The following PLEKHA5 variants were observed in gnomAD, a reference collection of about 807,000 sequenced individuals.
PLEKHA5 encodes pleckstrin homology domain-containing family A member 5.
Under a neutral mutation model 181.9 loss-of-function variants are expected in PLEKHA5, and 55 were observed. The ratio of observed to expected loss-of-function variants is 0.30; its 90% CI spans 0.24 to 0.38. The LOEUF is 0.38. Among genes scored for constraint, PLEKHA5 ranks in the 10% least tolerant of loss-of-function variants. The pLI is 1.00. For missense variants in PLEKHA5, 1,432 were observed against 1,549.5 expected (o/e 0.92, Z 1.27); for synonymous variants, 535 against 529.4 (o/e 1.01, Z -0.15).
At chr12:19,214,954 G>A (rs1425205709) in intron 3 of PLEKHA5, among the ~76,000 whole-genome samples, 1 of 152,000 alleles carries the variant, frequency 6.6e-6, no homozygotes, top group Non-Finnish European at 1.5e-5. Context: ...GAGGTGGGCG[G>A]ATCACCTGAG....
At chr12:19,173,095 C>G (rs542150983) in intron 3 of PLEKHA5, among the ~76,000 whole-genome samples, 1 of 128,136 alleles carries the variant, frequency 7.8e-6, no homozygotes, top group South Asian at 2.7e-4. Flanking sequence ...GCAATCTCGG[C>G]TCACTGCAAG....
At chr12:19,316,140 C>T (rs2088588826) in intron 16 of PLEKHA5, among the ~76,000 whole-genome samples, 1 of 151,446 alleles carries the variant, frequency 6.6e-6, no homozygotes. Context: ...CTGATACCTT[C>T]TGCAGTGTCT....
intron 3 of PLEKHA5, among the ~76,000 whole-genome samples, chr12:19,224,555 A>T (rs992217241): frequency 4.7e-4 from 72 of 152,240 alleles, no homozygotes; most frequent in African/African-American, 1.5e-3. Flanking sequence ...CATATGAAAA[A>T]TTTTTTTAAA....
intron 3 of PLEKHA5, among the ~76,000 whole-genome samples, chr12:19,212,763 A>C (rs2057177232): frequency 6.6e-6 from 1 of 152,104 alleles, no homozygotes; most frequent in Non-Finnish European, 1.5e-5. Context: ...ATATCCTCAC[A>C]GCATCTACAG....
chr12:19,343,783 T>C (rs1592568817), intron 22 of PLEKHA5, among the ~76,000 whole-genome samples: 2 of 152,186 alleles, frequency 1.3e-5, no homozygotes, highest in East Asian at 3.9e-4. Flanking sequence ...CTGGGCACAG[T>C]GGCTCACACC....
intron 3 of PLEKHA5, among the ~76,000 whole-genome samples, chr12:19,213,848 G>C (rs746287046): frequency 2.0e-5 from 3 of 152,064 alleles, no homozygotes; most frequent in Non-Finnish European, 4.4e-5. Context: ...CATTTTCAGG[G>C]GAAAAACAGG....
chr12:19,145,029 C>T (rs756764761), intron 3 of PLEKHA5, among the ~76,000 whole-genome samples: 10 of 152,050 alleles, frequency 6.6e-5, no homozygotes, highest in Non-Finnish European at 1.2e-4. Flanking sequence ...TATTTTACAC[C>T]AGGGCTGCTG....
At chr12:19,223,085 A>G (rs1480531381) in intron 3 of PLEKHA5, among the ~76,000 whole-genome samples, 3 of 149,824 alleles carry the variant, frequency 2.0e-5, no homozygotes, top group African/African-American at 7.3e-5. Context: ...GCCTAGCCTA[A>G]TTTTGATCCC....
intron 3 of PLEKHA5, among the ~76,000 whole-genome samples, chr12:19,159,819 T>C (rs956993400): frequency 3.3e-5 from 5 of 152,140 alleles, no homozygotes; most frequent in Admixed American, 6.5e-5. Context: ...TTGAAGCCCG[T>C]AGAGACAGGC....
intron 25 of PLEKHA5, among the ~76,000 whole-genome samples, chr12:19,349,152 T>C (rs902678867): frequency 4.0e-5 from 6 of 151,002 alleles, no homozygotes; most frequent in African/African-American, 1.5e-4. Flanking sequence ...GAGGTCTCAC[T>C]CTGTCACCTG....
intron 3 of PLEKHA5, among the ~76,000 whole-genome samples, chr12:19,236,155 A>G (rs2061373253): frequency 6.6e-6 from 1 of 152,208 alleles, no homozygotes; most frequent in African/African-American, 2.4e-5. Flanking sequence ...TCTGTTGAAT[A>G]AATACCAACA....
In PLEKHA5 at chr12:19,287,858, C is replaced by T. The variant is rs569270161; in HGVS notation, c.1863+302C>T. ...CTTTGGGAGGCCAAGGCAGGCGGAT[C>T]GCTTGAGGTCAGGAGTTCAAGACCA... On this transcript the variant is annotated intron_variant, in intron 13 of 31. Coordinates refer to ENST00000429027, the MANE Select transcript of PLEKHA5 (RefSeq NM_001256470.2). Among the ~76,000 whole-genome samples, 20 of 152,184 alleles carry T rather than the reference C, an allele frequency of 1.3e-4. No individual in the cohort carries two copies. In the East Asian group the frequency reaches 2.5e-3, roughly 19 times the overall value.
At chr12:19,329,185 G>A (rs1481492148) in intron 20 of PLEKHA5, among the ~76,000 whole-genome samples, 1 of 152,146 alleles carries the variant, frequency 6.6e-6, no homozygotes, top group African/African-American at 2.4e-5. Context: ...TAGAAATGAA[G>A]CCTATTTTAT....
intron 3 of PLEKHA5, among the ~76,000 whole-genome samples, chr12:19,144,728 A>G (rs753310524): frequency 1.5e-4 from 23 of 152,200 alleles, no homozygotes; most frequent in Non-Finnish European, 5.9e-5. Flanking sequence ...GCATATTGTG[A>G]TAAGCTAGTG....
intron 11 of PLEKHA5, among the ~76,000 whole-genome samples, chr12:19,278,850 C>T (rs1435157271): frequency 2.6e-5 from 4 of 152,212 alleles, no homozygotes; most frequent in African/African-American, 9.6e-5. Context: ...GGCCTGAATG[C>T]AGCGGTTCTT....
chr12:19,302,308 G>A (rs2081728081), intron 15 of PLEKHA5, among the ~76,000 whole-genome samples: 1 of 152,194 alleles, frequency 6.6e-6, no homozygotes, highest in Admixed American at 6.5e-5. Context: ...CAAGAAAAAG[G>A]AACTATTGGC....
chr12:19,335,837 G>A (rs2093382859), intron 20 of PLEKHA5, among the ~76,000 whole-genome samples: 1 of 151,994 alleles, frequency 6.6e-6, no homozygotes, highest in South Asian at 2.1e-4. Flanking sequence ...TCACCATGTT[G>A]GCCAGGGTGG....
At chr12:19,198,035 T>G (rs2053355583) in intron 3 of PLEKHA5, among the ~76,000 whole-genome samples, 1 of 152,142 alleles carries the variant, frequency 6.6e-6, no homozygotes, top group Non-Finnish European at 1.5e-5. Flanking sequence ...ACCTCTCGTC[T>G]TTGCCACCAT....
chr12:19,227,939 A>G (rs1272918423), intron 3 of PLEKHA5, among the ~76,000 whole-genome samples: 2 of 152,172 alleles, frequency 1.3e-5, no homozygotes, highest in African/African-American at 4.8e-5. Context: ...AGTTCATATC[A>G]CATCTCATTT....
Sources: allele counts gnomAD v4.1 joint callset (sites outside exome capture counted in the v4.1 genomes callset), GRCh38; gene constraint gnomAD v4.1.1; transcripts MANE v1.5; gene names NCBI Gene and HGNC (gene_info 2026-07-23, HGNC 2026-07-21).